CHD6: variants seen among roughly 807,000 people sequenced by gnomAD.
The protein encoded by CHD6 is ATP-dependent chromatin remodeler CHD6.
A neutral mutation model predicts 276.9 loss-of-function variants in CHD6; 50 were observed. That is an observed-to-expected ratio of 0.18 (90% CI 0.14 to 0.23). The LOEUF is 0.23. Among genes scored for constraint, CHD6 ranks in the 10% least tolerant of loss-of-function variants. CHD6 has a pLI of 1.00. For missense variants in CHD6, 2,564 were observed against 3,365.8 expected (o/e 0.76, Z 5.89); for synonymous variants, 1,173 against 1,229.3 (o/e 0.95, Z 0.96).
intron 3 of CHD6, among the ~76,000 whole-genome samples, chr20:41,526,864 A>G (rs1352720710): frequency 6.6e-6 from 1 of 152,192 alleles, no homozygotes; most frequent in Non-Finnish European, 1.5e-5. Flanking sequence ...ATTACCTGGG[A>G]GAATTTTGAA....
At chr20:41,558,511 A>G (rs187832101) in intron 1 of CHD6, among the ~76,000 whole-genome samples, 5 of 152,326 alleles carry the variant, frequency 3.3e-5, no homozygotes, top group Admixed American at 6.5e-5. Flanking sequence ...AAAACAAACA[A>G]TATAAAAGCT....
Position 41,457,410 on chromosome 20 carries a change from G to A in CHD6, c.2683C>T (p.Arg895Cys). Residue 895 changes from arginine (R) to cysteine (C), a missense_variant, in exon 18 of 37, where the codon CGC becomes TGC. Transcript: ENST00000373233. ...TTCACAGCTTTGCTCTGGCCTATGC[G>A]GTGACATCGGGCCTGAGCCTGGGAA... ...NDLQAQARCH[R>C]IGQSKAVKVY... The A allele has an allele frequency of 6.2e-7, 1 of 1,612,318 alleles. No individual in the cohort carries two copies. Among genetic ancestry groups the A allele is most frequent in the Non-Finnish European group, 8.5e-7 (1 of 1,178,600 alleles).
rs2046590621 is a variant in CHD6 at position 41,403,690 on chromosome 20, A to C, written c.*903T>G. On this transcript the variant is annotated 3_prime_UTR_variant, in exon 37 of 37. Coordinates refer to ENST00000373233, the MANE Select transcript of CHD6 (RefSeq NM_032221.5). ...CTTGGTGAAGGAAAGCCTGAAGTGAAAATCCATTCGGTCCTGGTGCTCTTT... is the reference window on the plus strand; with the variant it reads ...CTTGGTGAAGGAAAGCCTGAAGTGACAATCCATTCGGTCCTGGTGCTCTTT... 9.4e-7 allele frequency: 1 copy of C among 1,059,012 alleles called. No individual in the cohort carries two copies. The highest frequency in any genetic ancestry group is 1.1e-6 in the Non-Finnish European group (1 of 875,370). The allele number at this position is 1,059,012 out of a possible 1,614,324, so 65.6% of individuals were successfully genotyped here.
chr20:41,432,094 A>G (rs2047559469), intron 27 of CHD6, among the ~76,000 whole-genome samples: 1 of 145,300 alleles, frequency 6.9e-6, no homozygotes, highest in African/African-American at 2.6e-5. Context: ...TGGGAGGTGG[A>G]GATTGCAGGG....
chr20:41,554,728 A>G (rs553612662), intron 1 of CHD6, among the ~76,000 whole-genome samples: 193 of 151,888 alleles, frequency 1.3e-3, no homozygotes, highest in African/African-American at 4.6e-3. Context: ...GATCAACAGG[A>G]TAAGAATTTT....
In CHD6 at chr20:41,425,204, G is replaced by A; in HGVS notation, c.4320C>T (p.Asp1440=). The A allele has an allele frequency of 6.2e-7, 1 of 1,614,158 alleles. No individual in the cohort carries two copies. Among genetic ancestry groups the A allele is most frequent in the Non-Finnish European group, 8.5e-7 (1 of 1,180,008 alleles). The part of the protein sequence containing the change: ...EEMFRRTSEM[D]LINKEAQKRW... ...TCTTTTGGGCTTCCTTGTTGATGAG[G>A]TCCATTTCTGAGGTTCTCCTGAACA... is the stretch of plus-strand genomic sequence containing the variant. Residue 1440 remains aspartate, a synonymous_variant, in exon 29 of 37, where the codon GAC becomes GAT. Transcript: ENST00000373233.
intron 31 of CHD6, among the ~76,000 whole-genome samples, chr20:41,419,465 T>A (rs546847115): frequency 7.1e-6 from 1 of 140,402 alleles, no homozygotes; most frequent in East Asian, 2.2e-4. Flanking sequence ...AATCCCAGCT[T>A]GGGATGTTGA....
chr20:41,504,147 T>C (rs1159592183), intron 5 of CHD6, among the ~76,000 whole-genome samples: 1 of 150,538 alleles, frequency 6.6e-6, no homozygotes, highest in Non-Finnish European at 1.5e-5. Context: ...TTGTCTCTCT[T>C]TCTTATGCTT....
chr20:41,488,205 C>A (rs986095667), intron 13 of CHD6, among the ~76,000 whole-genome samples: 1 of 152,154 alleles, frequency 6.6e-6, no homozygotes, highest in Non-Finnish European at 1.5e-5. Context: ...TAAGAGTCCT[C>A]CTAAGTCTAT....
intron 36 of CHD6, among the ~76,000 whole-genome samples, chr20:41,410,588 T>A (rs942365996): frequency 5.9e-5 from 9 of 152,122 alleles, no homozygotes; most frequent in African/African-American, 1.7e-4. Flanking sequence ...CTGCCCGAGG[T>A]CTTCTTCTTG....
intron 1 of CHD6, among the ~76,000 whole-genome samples, chr20:41,583,158 C>T (rs866993392): frequency 6.6e-6 from 1 of 152,080 alleles, no homozygotes; most frequent in African/African-American, 2.4e-5. Context: ...GAGAACCCTA[C>T]AGAATAAATA....
rs1328643026 is a variant in CHD6, at chr20:41,451,924, A to G, written c.3425T>C (p.Val1142Ala). The change falls in exon 22 of 37, where the codon GTC (valine) becomes GCC (alanine). Residue 1142 changes from valine to alanine, a missense_variant. Val to Ala is a moderately conservative substitution (Grantham distance 64, BLOSUM62 0). Around this residue, in one of 7 missense-constraint regions of CHD6, gnomAD observed 515 missense variants for 739.5 expected, o/e 0.70. Coordinates refer to ENST00000373233, the MANE Select transcript of CHD6 (RefSeq NM_032221.5). Reference protein sequence around the residue: ...MICRALLVYCVKHYKGDEKIK... With the variant: ...MICRALLVYCAKHYKGDEKIK... ...CTTCTCGTCCCCCTTATAATGCTTGACACAGTACACCAGGAGGGCACGGCA... is the reference window on the plus strand; with the variant it reads ...CTTCTCGTCCCCCTTATAATGCTTGGCACAGTACACCAGGAGGGCACGGCA... The G allele has an allele frequency of 6.2e-7, 1 of 1,614,056 alleles. No homozygotes were observed. The highest frequency in any genetic ancestry group is 8.5e-7 in the Non-Finnish European group (1 of 1,179,982).
At chr20:41,547,444 A>G (rs761904041) in intron 2 of CHD6, 17 of 266,090 alleles carry the variant, frequency 6.4e-5, no homozygotes, top group Non-Finnish European at 1.0e-4. Flanking sequence ...TTTGACCCCA[A>G]TGAGATTAGA....
chr20:41,427,284 T>C (rs1379844079), intron 27 of CHD6, among the ~76,000 whole-genome samples: 1 of 151,882 alleles, frequency 6.6e-6, no homozygotes, highest in Non-Finnish European at 1.5e-5. Context: ...GGGCCCCTGA[T>C]ACGACGCAAA....
At chr20:41,490,140 C>T (rs1006044005) in intron 11 of CHD6, 119 bp from the exon 12 acceptor site, 1 of 844,196 alleles carries the variant, frequency 1.2e-6, no homozygotes, top group African/African-American at 1.7e-5. Context: ...GCTTTATCAT[C>T]ATTTCACATA....
chr20:41,596,542 C>T (rs1302011642), intron 1 of CHD6, among the ~76,000 whole-genome samples: 1 of 151,892 alleles, frequency 6.6e-6, no homozygotes, highest in Non-Finnish European at 1.5e-5. Flanking sequence ...TGCAGCAGAA[C>T]AAAAATTTCT....
In CHD6 at chr20:41,473,177, AC is replaced by A; in HGVS notation, c.2664+144del. 1 of 639,412 alleles carries A rather than the reference AC, an allele frequency of 1.6e-6. No individual in the cohort carries two copies. The highest frequency in any genetic ancestry group is 2.8e-5 in the East Asian group (1 of 35,988). The allele number at this position is 639,412 out of a possible 1,614,324, so 39.6% of individuals were successfully genotyped here. On this transcript the variant is annotated intron_variant, in intron 17 of 36. Transcript: ENST00000373233. The surrounding 1 kb of genome is among the most constrained non-coding windows in gnomAD (Gnocchi z 4.1). ...CGACATTTACTTTTCATTCAGTTTC[AC>A]CCCCTGACCAAGGCCCTAAGCCTGT... is the stretch of plus-strand genomic sequence containing the variant.
chr20:41,421,731 G>A lies in CHD6; in HGVS notation c.4904C>T (p.Thr1635Ile), dbSNP rs1405677459. The A allele has an allele frequency of 2.5e-6, 4 of 1,614,084 alleles. No homozygotes were observed. The highest frequency in any genetic ancestry group is 3.4e-6 in the Non-Finnish European group (4 of 1,180,048). Residue 1635 changes from threonine (T) to isoleucine (I), a missense_variant, in exon 31 of 37, where the codon ACC becomes ATC. Thr to Ile is a moderately conservative substitution (Grantham distance 89, BLOSUM62 -1). Coordinates refer to ENST00000373233, the MANE Select transcript of CHD6 (RefSeq NM_032221.5). ...APGNLCCLYQ[T>I]NSKLYESLTY... ...AAGAGATTCATATAACTTGGAGTTGGTCTGGTAAAGGCAACAGAGATTTCC... is the reference window on the plus strand; with the variant it reads ...AAGAGATTCATATAACTTGGAGTTGATCTGGTAAAGGCAACAGAGATTTCC...
chr20:41,567,581 T>C (rs1014791446), intron 1 of CHD6, among the ~76,000 whole-genome samples: 1 of 151,512 alleles, frequency 6.6e-6, no homozygotes, highest in Admixed American at 6.6e-5. Context: ...TGCACGTCCA[T>C]GGTGGCTTGT....
Sources: allele counts gnomAD v4.1 joint callset (sites outside exome capture counted in the v4.1 genomes callset), GRCh38; gene constraint gnomAD v4.1.1; regional missense constraint gnomAD v4.1.1; non-coding constraint Gnocchi (gnomAD v3.1); transcripts MANE v1.5; gene names NCBI Gene and HGNC (gene_info 2026-07-23, HGNC 2026-07-21).